The following BNC2 variants were observed in gnomAD, a reference collection of about 807,000 sequenced individuals.
BNC2 encodes zinc finger protein basonuclin-2.
Under a neutral mutation model 76.3 loss-of-function variants are expected in BNC2, and 20 were observed. The ratio of observed to expected loss-of-function variants is 0.26; its 90% CI spans 0.18 to 0.38. The LOEUF (loss-of-function observed/expected upper bound fraction) is 0.38. BNC2 is among the 10% of genes least tolerant of loss of function. BNC2 has a pLI of 1.00. For missense variants in BNC2, 1,382 were observed against 1,399.8 expected, an observed-to-expected ratio of 0.99 and a Z score of 0.20; for synonymous variants, 582 against 514.8, an observed-to-expected ratio of 1.13 and a Z score of -1.77.
intron 5 of BNC2, among the ~76,000 whole-genome samples, chr9:16,477,649 A>T (rs1261943184): frequency 1.3e-5 from 2 of 152,230 alleles, no homozygotes; most frequent in Non-Finnish European, 2.9e-5. Context: ...AAAAAAGTTT[A>T]AAAATATTCA....
At chr9:16,709,306 A>T (rs1563909637) in intron 3 of BNC2, among the ~76,000 whole-genome samples, 1 of 152,230 alleles carries the variant, frequency 6.6e-6, no homozygotes, top group East Asian at 1.9e-4. Context: ...GTGACACAGA[A>T]GAGAAGGAAT....
intron 1 of BNC2, among the ~76,000 whole-genome samples, chr9:16,789,921 T>C (rs1305992923): frequency 3.3e-5 from 5 of 152,268 alleles, no homozygotes; most frequent in Non-Finnish European, 7.3e-5. Flanking sequence ...GAGTGCCTAC[T>C]TGGCTCAATA....
chr9:16,742,174 G>C (rs1824870931), intron 1 of BNC2, among the ~76,000 whole-genome samples: 1 of 152,164 alleles, frequency 6.6e-6, no homozygotes, highest in Admixed American at 6.5e-5. Flanking sequence ...TAATGTCTAT[G>C]AATTTATTTC....
chr9:16,498,433 G>A (rs149812982), intron 5 of BNC2, among the ~76,000 whole-genome samples: 11 of 150,932 alleles, frequency 7.3e-5, no homozygotes, highest in African/African-American at 1.7e-4. Flanking sequence ...ACCAAACACC[G>A]TATGTACTCA....
At chr9:16,509,321 T>C (rs1437281855) in intron 5 of BNC2, among the ~76,000 whole-genome samples, 4 of 152,214 alleles carry the variant, frequency 2.6e-5, no homozygotes, top group Non-Finnish European at 5.9e-5. Flanking sequence ...GGCATATAAA[T>C]GTTGGTAAAT....
intron 3 of BNC2, among the ~76,000 whole-genome samples, chr9:16,721,815 G>A (rs181968769): frequency 9.2e-5 from 14 of 152,022 alleles, no homozygotes; most frequent in Admixed American, 3.3e-4. Flanking sequence ...CACTCTGGGG[G>A]GAAAAAGGAG....
intron 5 of BNC2, among the ~76,000 whole-genome samples, chr9:16,446,071 T>C (rs1248776291): frequency 6.6e-6 from 1 of 152,186 alleles, no homozygotes; most frequent in Non-Finnish European, 1.5e-5. Context: ...CATTAAATCT[T>C]CTTTCTGTAA....
chr9:16,677,891 T>C (rs1049859593), intron 3 of BNC2, among the ~76,000 whole-genome samples: 1 of 152,184 alleles, frequency 6.6e-6, no homozygotes, highest in African/African-American at 2.4e-5. Context: ...CACAACTTTA[T>C]GTAAAAATGT....
chr9:16,685,894 G>C (rs936989449), intron 3 of BNC2, among the ~76,000 whole-genome samples: 2 of 152,180 alleles, frequency 1.3e-5, no homozygotes, highest in African/African-American at 4.8e-5. Context: ...GTAGCACACA[G>C]TAGGCACCTA....
In BNC2 at chr9:16,414,373, C is replaced by T. The variant is rs898608252; in HGVS notation, c.*4616G>A. The stretch of plus-strand genomic sequence containing the variant: ...AAACACTGTGATCCCTCCAGTCTTT[C>T]TGGTATCTTTTATTGCTCATCTTAC... On this transcript the variant is annotated 3_prime_UTR_variant, in exon 7 of 7. Transcript: ENST00000380672. The T allele has an allele frequency of 6.6e-6, 1 of 152,186 alleles. No homozygotes were observed. The highest frequency in any genetic ancestry group is 2.4e-5 in the African/African-American group (1 of 41,430). 9.4% of individuals were successfully genotyped at this position (152,186 alleles called of 1,614,324 possible). A position where few individuals can be genotyped will look rare whatever the true frequency, so the allele number is the denominator to read the frequency against.
At chr9:16,535,937 G>A (rs1818117765) in intron 5 of BNC2, among the ~76,000 whole-genome samples, 1 of 152,058 alleles carries the variant, frequency 6.6e-6, no homozygotes, top group Non-Finnish European at 1.5e-5. Context: ...AAGGACGCAT[G>A]ATAAATTGCC....
At chr9:16,610,114 G>A (rs1563862048) in intron 3 of BNC2, among the ~76,000 whole-genome samples, 1 of 133,148 alleles carries the variant, frequency 7.5e-6, no homozygotes, top group African/African-American at 2.8e-5. Flanking sequence ...ATCACACAAT[G>A]CAGTGATGAG....
Position 16,415,077 on chromosome 9 carries a change from T to C in BNC2, c.*3912A>G, listed in dbSNP as rs1354212186. On this transcript the variant is annotated 3_prime_UTR_variant, in exon 7 of 7. Transcript: ENST00000380672. ...ATTGTGCCAAAAAGGTTTTAAAAAA[T>C]GTTTGCCATGTTGAAAAGGAAAACA... is the stretch of plus-strand genomic sequence containing the variant. 1 of 152,190 alleles carries C rather than the reference T, an allele frequency of 6.6e-6. No individual in the cohort carries two copies. Among genetic ancestry groups the C allele is most frequent in the Admixed American group, 6.5e-5 (1 of 15,292 alleles). 9.4% of individuals were successfully genotyped at this position (152,190 alleles called of 1,614,324 possible).
rs762781150 is a variant in BNC2 at position 16,539,768 on chromosome 9, AGAAAGGAAAGGAAAGGAAAGGAAAG to A, written c.669+12737_669+12761del. Among the ~76,000 whole-genome samples the A allele has an allele frequency of 4.5e-3, 264 of 58,968 alleles. 2 individuals carry two copies. The highest frequency in any genetic ancestry group is 0.017 in the African/African-American group (249 of 15,086). The allele number at this position is 58,968 out of a possible 152,430, so 38.7% of individuals were successfully genotyped here. ...GGGAAGGGAAGGAAAGGAAAGGAAA[AGAAAGGAAAGGAAAGGAAAGGAAAG>A]GAAAGGAAAGGAAAGGAAAGGAAAG... is the stretch of plus-strand genomic sequence containing the variant. On this transcript the variant is annotated intron_variant, in intron 5 of 6. Coordinates refer to ENST00000380672, the MANE Select transcript of BNC2 (RefSeq NM_017637.6).
chr9:16,468,863 C>T (rs1302877506), intron 5 of BNC2, among the ~76,000 whole-genome samples: 1 of 152,132 alleles, frequency 6.6e-6, no homozygotes. Flanking sequence ...ACTCATATAC[C>T]TCTAGTTGTC....
intron 6 of BNC2, among the ~76,000 whole-genome samples, chr9:16,425,513 G>C (rs1334012799): frequency 6.6e-6 from 1 of 152,200 alleles, no homozygotes; most frequent in African/African-American, 2.4e-5. Flanking sequence ...TGCAGGGGAA[G>C]CAATGTATTA....
At chr9:16,851,554 C>G (rs908535981) in intron 1 of BNC2, among the ~76,000 whole-genome samples, 2 of 152,180 alleles carry the variant, frequency 1.3e-5, no homozygotes, top group South Asian at 2.1e-4. Context: ...CTTCCAAATT[C>G]TAAGCATACC....
chr9:16,778,023 T>C (rs1039060510), intron 1 of BNC2, among the ~76,000 whole-genome samples: 5 of 152,210 alleles, frequency 3.3e-5, no homozygotes, highest in Non-Finnish European at 5.9e-5. Context: ...TGTAGATGTG[T>C]ATAGAATAAA....
chr9:16,548,739 T>G (rs999866034), intron 5 of BNC2, among the ~76,000 whole-genome samples: 5 of 152,178 alleles, frequency 3.3e-5, no homozygotes, highest in Non-Finnish European at 7.4e-5. Context: ...AACATCATAT[T>G]CTCCCTTGTA....
Sources: gnomAD v4.1 joint callset for allele counts (sites outside exome capture counted in the v4.1 genomes callset) on GRCh38, gnomAD v4.1.1 for gene constraint, MANE v1.5 for transcripts, NCBI Gene and HGNC (gene_info 2026-07-23, HGNC 2026-07-21) for gene names.